The following DEDD2 variants were observed in gnomAD, a reference collection of about 807,000 sequenced individuals.
The protein encoded by DEDD2 is death effector domain containing 2.
In DEDD2, 18 loss-of-function variants were observed where a neutral mutation model predicts 28.9. The observed-to-expected ratio is 0.62, with a 90% CI of 0.43 to 0.92. The LOEUF (loss-of-function observed/expected upper bound fraction) is 0.92. Ranked by LOEUF, DEDD2 falls within the 40% of genes least tolerant of loss-of-function variation. The pLI is 0.00. For missense variants in DEDD2, 411 were observed against 463.3 expected, an observed-to-expected ratio of 0.89 and a Z score of 1.04; for synonymous variants, 211 against 206.1, an observed-to-expected ratio of 1.02 and a Z score of -0.20.
chr19:42,216,978 C>T lies in DEDD2; in HGVS notation c.30G>A (p.Pro10=). The change falls in exon 2 of 5, where the codon CCG becomes CCA. Residue 10 remains proline (P), a synonymous_variant. Coordinates refer to ENST00000596251, the MANE Select transcript of DEDD2 (RefSeq NM_133328.4). Reference sequence around the variant, plus strand: ...CCAGGCACTCATCCTCCTCCCAGCACGGGGCCGGGGTCGACCCGGATAGCG... The same window carrying T: ...CCAGGCACTCATCCTCCTCCCAGCATGGGGCCGGGGTCGACCCGGATAGCG... MALSGSTPA[P]CWEEDECLDY... is the part of the protein sequence containing the mutation. 1.3e-6 allele frequency: 2 copies of T among 1,597,640 alleles called. No homozygotes were observed. Among genetic ancestry groups the T allele is most frequent in the Non-Finnish European group, 1.7e-6 (2 of 1,172,630 alleles).
upstream of DEDD2, chr19:42,220,031 A>G (rs927238335): frequency 2.6e-5 from 4 of 152,266 alleles, no homozygotes; most frequent in Non-Finnish European, 5.9e-5. Flanking sequence ...ATCTCTGTCA[A>G]GGTCTCCCGC....
At chr19:42,213,905 G>A (rs1395440221) in intron 3 of DEDD2, among the ~76,000 whole-genome samples, 1 of 152,196 alleles carries the variant, frequency 6.6e-6, no homozygotes, top group Admixed American at 6.5e-5. Flanking sequence ...TAGAATGTCA[G>A]AGAATTCGTG....
At chr19:42,207,722 T>A (rs2035589121) in intron 4 of DEDD2, among the ~76,000 whole-genome samples, 1 of 152,072 alleles carries the variant, frequency 6.6e-6, no homozygotes, top group Non-Finnish European at 1.5e-5. Context: ...ATAAAGATGA[T>A]CCTAATAAAA....
intron 4 of DEDD2, among the ~76,000 whole-genome samples, chr19:42,201,159 G>A (rs1014358231): frequency 1.3e-5 from 2 of 152,338 alleles, no homozygotes; most frequent in Admixed American, 1.3e-4. Context: ...GAGGCCAAGA[G>A]AAGTGAAGTG....
upstream of DEDD2, among the ~76,000 whole-genome samples, chr19:42,219,920 C>T (rs1407303089): frequency 6.6e-6 from 1 of 152,222 alleles, no homozygotes; most frequent in African/African-American, 2.4e-5. Flanking sequence ...GCTCACTTCA[C>T]ACCAGTAAAA....
chr19:42,198,800 T>C lies in DEDD2; in HGVS notation c.*638A>G, dbSNP rs935999160. The C allele has an allele frequency of 1.3e-5, 2 of 152,638 alleles. No individual in the cohort carries two copies. The highest frequency in any genetic ancestry group is 2.9e-5 in the Non-Finnish European group (2 of 68,352). The allele number at this position is 152,638 out of a possible 1,614,324, so 9.5% of individuals were successfully genotyped here. ...CAGGTGACATCCAAGTGCAAGTCTA[T>C]GTTCAGCTCTGGACAGCAGGGGGGA... is the stretch of plus-strand genomic sequence containing the variant. On this transcript the variant is annotated 3_prime_UTR_variant, in exon 5 of 5. Transcript: ENST00000596251.
chr19:42,209,889 G>A (rs1190174862), intron 3 of DEDD2, 49 bp from the exon 4 acceptor site: 7 of 1,476,026 alleles, frequency 4.7e-6, no homozygotes, highest in Non-Finnish European at 6.3e-6. Flanking sequence ...GACAGCTAGA[G>A]TGCCCAGGTG....
At position 42,210,975 on chromosome 19, in the gene DEDD2, CAGG is replaced by C. The variant is rs1369691339; in HGVS notation, c.449-1138_449-1136del. ...ATCCCAGCTACTGGGGAAGCTGAGG[CAGG>C]AGAATTGCTTGAACCCAGGAGCTGG... On this transcript the variant is annotated intron_variant, in intron 3 of 4. Coordinates refer to ENST00000596251, the MANE Select transcript of DEDD2 (RefSeq NM_133328.4). 2.0e-5 allele frequency among the ~76,000 whole-genome samples: 3 copies of C among 148,958 alleles called. No homozygotes were observed. In the Admixed American group the frequency reaches 2.0e-4, roughly 10 times the overall value.
intron 4 of DEDD2, among the ~76,000 whole-genome samples, chr19:42,201,483 T>C (rs550491697): frequency 2.0e-5 from 3 of 152,342 alleles, no homozygotes; most frequent in Non-Finnish European, 4.4e-5. Flanking sequence ...GATAGGCCAA[T>C]TGCCTGACCC....
Position 42,215,237 on chromosome 19 carries a change from T to C in DEDD2, c.344A>G (p.Tyr115Cys), listed in dbSNP as rs1338232909. ...KRRRPVSPER[Y>C]SYGTSSSSKR... ...TGAAGAGCTGGAGGTGCCATAGCTA[T>C]AGCGTTCTGGAGACACTGGAGGAAG... Residue 115 changes from tyrosine to cysteine, a missense_variant, in exon 3 of 5, where the codon TAT becomes TGT. This residue lies in a region of DEDD2 where 282 missense variants were observed against 273.4 expected (regional missense o/e 1.03). Coordinates refer to ENST00000596251, the MANE Select transcript of DEDD2 (RefSeq NM_133328.4). 6.2e-7 allele frequency: 1 copy of C among 1,614,014 alleles called. No individual in the cohort carries two copies. The highest frequency in any genetic ancestry group is 8.5e-7 in the Non-Finnish European group (1 of 1,180,020).
chr19:42,216,627 G>C, intron 2 of DEDD2, 53 bp downstream of exon 2: 1 of 1,479,550 alleles, frequency 6.8e-7, no homozygotes, highest in Non-Finnish European at 8.9e-7. Context: ...AGGCCCAGCG[G>C]GAGCCAGGCC....
At position 42,199,670 on chromosome 19, in the gene DEDD2, T is replaced by G; in HGVS notation, c.749A>C (p.Asp250Ala). Residue 250 changes from aspartate (D) to alanine (A), a missense_variant, in exon 5 of 5, where the codon GAC becomes GCC. By Grantham distance (126) the Asp-to-Ala change is moderately radical. Coordinates refer to ENST00000596251, the MANE Select transcript of DEDD2 (RefSeq NM_133328.4). The surrounding 1 kb of genome is among the most constrained non-coding windows in gnomAD (Gnocchi z 7.4). The stretch of plus-strand genomic sequence containing the variant: ...ATAGGAGAGCTCTGAGAACTTGATG[T>G]CACAAACCACAGAGCCCAGGTCCCT... ...RSRDLGSVVCDIKFSELSYLD... is the reference protein window; with the variant it reads ...RSRDLGSVVCAIKFSELSYLD... 6.2e-7 allele frequency: 1 copy of G among 1,614,092 alleles called. No individual in the cohort carries two copies. Among genetic ancestry groups the G allele is most frequent in the Non-Finnish European group, 8.5e-7 (1 of 1,179,976 alleles).
chr19:42,210,288 A>G (rs2035703461), intron 3 of DEDD2, among the ~76,000 whole-genome samples: 1 of 152,218 alleles, frequency 6.6e-6, no homozygotes, highest in South Asian at 2.1e-4. Context: ...AGGGAAATTA[A>G]GATTATATAT....
chr19:42,216,292 A>G (rs1302519646), intron 2 of DEDD2, among the ~76,000 whole-genome samples: 1 of 152,246 alleles, frequency 6.6e-6, no homozygotes, highest in Non-Finnish European at 1.5e-5. Context: ...TAGGCCCAGC[A>G]AACAGGATTG....
chr19:42,211,599 C>G (rs1568449855), intron 3 of DEDD2, among the ~76,000 whole-genome samples: 1 of 152,096 alleles, frequency 6.6e-6, no homozygotes, highest in African/African-American at 2.4e-5. Context: ...ACAAGAAACA[C>G]AAATAAAATC....
chr19:42,202,201 C>T (rs749789868), intron 4 of DEDD2: 6 of 397,330 alleles, frequency 1.5e-5, no homozygotes, highest in African/African-American at 6.2e-5. Context: ...ACTGTAATTT[C>T]GACACCCAAC....
chr19:42,207,149 C>G (rs375756143), intron 4 of DEDD2, among the ~76,000 whole-genome samples: 1 of 152,172 alleles, frequency 6.6e-6, no homozygotes, highest in Non-Finnish European at 1.5e-5. Flanking sequence ...GCAACCACCC[C>G]CTCAAACCCT....
At chr19:42,200,213 G>A (rs1252058980) in intron 4 of DEDD2, among the ~76,000 whole-genome samples, 1 of 152,140 alleles carries the variant, frequency 6.6e-6, no homozygotes, top group Admixed American at 6.5e-5. Flanking sequence ...CCCACACCCT[G>A]CTCCATTTTT....
chr19:42,216,975 G>A lies in DEDD2; in HGVS notation c.33C>T (p.Cys11=). The A allele has an allele frequency of 6.3e-7, 1 of 1,598,746 alleles. No homozygotes were observed. The highest frequency in any genetic ancestry group is 1.1e-5 in the South Asian group (1 of 88,596). MALSGSTPAP[C]WEEDECLDYY... ...AGTCCAGGCACTCATCCTCCTCCCA[G>A]CACGGGGCCGGGGTCGACCCGGATA... Residue 11 remains cysteine, a synonymous_variant, in exon 2 of 5, where the codon TGC becomes TGT. Coordinates refer to ENST00000596251, the MANE Select transcript of DEDD2 (RefSeq NM_133328.4).
Sources: allele counts gnomAD v4.1 joint callset (sites outside exome capture counted in the v4.1 genomes callset), GRCh38; gene constraint gnomAD v4.1.1; regional missense constraint gnomAD v4.1.1; non-coding constraint Gnocchi (gnomAD v3.1); transcripts MANE v1.5; gene names NCBI Gene and HGNC (gene_info 2026-07-23, HGNC 2026-07-21).